Variants in PPP2R3C observed in about 807,000 individuals in gnomAD.
The protein encoded by PPP2R3C is protein phosphatase 2 regulatory subunit B''gamma.
Under a neutral mutation model 63.7 loss-of-function variants are expected in PPP2R3C, and 47 were observed. The observed-to-expected ratio is 0.74, with a 90% CI of 0.58 to 0.94. The LOEUF (loss-of-function observed/expected upper bound fraction) is 0.94. Among genes scored for constraint, PPP2R3C ranks in the 40% least tolerant of loss-of-function variants. The pLI, the probability that PPP2R3C is intolerant of heterozygous loss-of-function variation, is 0.00. For synonymous variants in PPP2R3C, 180 were observed against 177.4 expected (o/e 1.01, Z -0.12); for missense variants, 421 against 518.4 (o/e 0.81, Z 1.82).
At position 35,089,766 on chromosome 14, in the gene PPP2R3C, T is replaced by C. The variant is rs190804279; in HGVS notation, c.1113+1304A>G. 5.6e-3 allele frequency among the ~76,000 whole-genome samples: 846 copies of C among 151,874 alleles called. 14 individuals are homozygous for C. The highest frequency in any genetic ancestry group is 0.038 in the East Asian group (194 of 5,138). Reference sequence around the variant, plus strand: ...CTGCAAGCTCTGCCTCCTGGGTTCATGCCATTCTCCTGCCTCAGCCTCCCG... The same window carrying C: ...CTGCAAGCTCTGCCTCCTGGGTTCACGCCATTCTCCTGCCTCAGCCTCCCG... On this transcript the variant is annotated intron_variant, in intron 11 of 12. Coordinates refer to ENST00000261475, the MANE Select transcript of PPP2R3C (RefSeq NM_017917.4).
At chr14:35,091,657 C>T (rs921740596) in intron 10 of PPP2R3C, among the ~76,000 whole-genome samples, 1 of 151,448 alleles carries the variant, frequency 6.6e-6, no homozygotes, top group Non-Finnish European at 1.5e-5. Flanking sequence ...GTGAGCCACC[C>T]TGCCCAGCCA....
chr14:35,121,306 G>A (rs1247193408), intron 1 of PPP2R3C, among the ~76,000 whole-genome samples: 1 of 151,974 alleles, frequency 6.6e-6, no homozygotes, highest in Non-Finnish European at 1.5e-5. Context: ...GAACCCGGGA[G>A]GCAGAGGTTG....
chr14:35,095,086 G>T lies in PPP2R3C; in HGVS notation c.937C>A (p.Arg313Ser), dbSNP rs753239141. The T allele has an allele frequency of 2.5e-6, 4 of 1,607,204 alleles. No homozygotes were observed. In the South Asian group the frequency reaches 4.4e-5, roughly 18 times the overall value. ...TAAGTGAGACACTCCTGGAAAACAC[G>T]GTCTAAGAAGACATTGGTCATGGTA... is the stretch of plus-strand genomic sequence containing the variant. The part of the protein sequence containing the change: ...TATMTNVFLD[R>S]VFQECLTYDG... Residue 313 changes from arginine to serine, a missense_variant, in exon 10 of 13, where the codon CGT (arginine) becomes AGT (serine). Arg to Ser is a moderately radical substitution (Grantham distance 110, BLOSUM62 -1). This residue lies in a region of PPP2R3C where 231 missense variants were observed against 264.8 expected (regional missense o/e 0.87). Coordinates refer to ENST00000261475, the MANE Select transcript of PPP2R3C (RefSeq NM_017917.4).
intron 7 of PPP2R3C, 164 bp downstream of exon 7, chr14:35,099,088 A>C (rs969819471): frequency 1.1e-6 from 1 of 897,942 alleles, no homozygotes; most frequent in Middle Eastern, 3.8e-4. Flanking sequence ...TAACCAAAGT[A>C]CTGCTACTGT....
chr14:35,095,873 A>G (rs1031129076), intron 9 of PPP2R3C, among the ~76,000 whole-genome samples: 1 of 150,054 alleles, frequency 6.7e-6, no homozygotes, highest in African/African-American at 2.4e-5. Flanking sequence ...AAAAAAAAAA[A>G]GCCAAAGGAG....
At chr14:35,107,738 G>A (rs1215256965) in intron 5 of PPP2R3C, 1 of 341,226 alleles carries the variant, frequency 2.9e-6, no homozygotes, top group Non-Finnish European at 5.2e-6. Context: ...AGATTATTAT[G>A]GCACTTGTAG....
chr14:35,092,195 G>A (rs1257519733), intron 10 of PPP2R3C, among the ~76,000 whole-genome samples: 1 of 151,844 alleles, frequency 6.6e-6, no homozygotes, highest in Non-Finnish European at 1.5e-5. Flanking sequence ...CAGCCTCCGA[G>A]GCAGCTGAGA....
At chr14:35,108,350 G>A (rs1446312947) in intron 4 of PPP2R3C, 114 bp from the exon 5 acceptor site, 19 of 1,254,364 alleles carry the variant, frequency 1.5e-5, no homozygotes, top group Admixed American at 1.5e-4. Context: ...AAGAACAATA[G>A]AGACTCCTTA....
upstream of PPP2R3C, chr14:35,122,042 G>T: frequency 6.6e-7 from 1 of 1,509,156 alleles, no homozygotes; most frequent in South Asian, 1.1e-5. Flanking sequence ...GCACCGCCAG[G>T]CCCCGTAAAG....
At chr14:35,095,691 A>C (rs140283129) in intron 9 of PPP2R3C, among the ~76,000 whole-genome samples, 66 of 151,654 alleles carry the variant, frequency 4.4e-4, no homozygotes, top group Middle Eastern at 3.4e-3. Context: ...AAAAACAAAA[A>C]AAAAAAACAT....
At position 35,121,116 on chromosome 14, in the gene PPP2R3C, C is replaced by A. The variant is rs185751775; in HGVS notation, c.58+786G>T. ...TAACTCGGCGGGGCGCGGTGACTCA[C>A]GTCTGTAATTCCAGCACTTTGGGAG... On this transcript the variant is annotated intron_variant, in intron 1 of 12. Coordinates refer to ENST00000261475, the MANE Select transcript of PPP2R3C (RefSeq NM_017917.4). Among the ~76,000 whole-genome samples, 412 of 152,260 alleles carry A rather than the reference C, an allele frequency of 2.7e-3. 2 individuals carry two copies. Among genetic ancestry groups the A allele is most frequent in the African/African-American group, 9.7e-3 (405 of 41,554 alleles).
At chr14:35,112,381 G>A (rs2046589668) in intron 2 of PPP2R3C, among the ~76,000 whole-genome samples, 1 of 152,160 alleles carries the variant, frequency 6.6e-6, no homozygotes, top group Non-Finnish European at 1.5e-5. Context: ...AGGATTACAG[G>A]CATGAGCCAC....
intron 1 of PPP2R3C, among the ~76,000 whole-genome samples, chr14:35,118,845 C>T (rs1010045583): frequency 6.6e-6 from 1 of 151,758 alleles, no homozygotes; most frequent in East Asian, 1.9e-4. Context: ...GTAGAGAGAG[C>T]GTTTCACCAC....
intron 3 of PPP2R3C, chr14:35,110,193 G>A (rs768169935): frequency 9.1e-6 from 4 of 438,288 alleles, no homozygotes; most frequent in East Asian, 3.9e-5. Flanking sequence ...GATGATAATC[G>A]AAGCACAGAG....
chr14:35,101,809 G>C (rs2046199612), intron 6 of PPP2R3C: 1 of 151,930 alleles, frequency 6.6e-6, no homozygotes, highest in South Asian at 2.1e-4. Context: ...TGATTTCTGG[G>C]AGCTTTTTAT....
At chr14:35,095,830 A>G (rs563089893) in intron 9 of PPP2R3C, among the ~76,000 whole-genome samples, 1 of 146,936 alleles carries the variant, frequency 6.8e-6, no homozygotes, top group Non-Finnish European at 1.5e-5. Context: ...CAGCCCAGGT[A>G]ACAGTGCAAG....
chr14:35,107,905 G>A, intron 5 of PPP2R3C: 1 of 452,198 alleles, frequency 2.2e-6, no homozygotes, highest in Non-Finnish European at 3.8e-6. Flanking sequence ...AAAACTCTTG[G>A]TTCAGCTCTT....
intron 2 of PPP2R3C, among the ~76,000 whole-genome samples, chr14:35,114,343 A>G (rs1192278521): frequency 6.6e-6 from 1 of 152,202 alleles, no homozygotes; most frequent in Non-Finnish European, 1.5e-5. Context: ...TATGATTCTT[A>G]AAAGGTTGAG....
chr14:35,122,002 C>T, upstream of PPP2R3C: 1 of 1,608,720 alleles, frequency 6.2e-7, no homozygotes, highest in Non-Finnish European at 8.5e-7. Context: ...CTGTTTCCTA[C>T]CTGCTCCACC....
Sources: allele counts gnomAD v4.1 joint callset (sites outside exome capture counted in the v4.1 genomes callset), GRCh38; gene constraint gnomAD v4.1.1; regional missense constraint gnomAD v4.1.1; transcripts MANE v1.5; gene names NCBI Gene and HGNC (gene_info 2026-07-23, HGNC 2026-07-21).